The following FHIT variants were observed in gnomAD, a reference collection of about 807,000 sequenced individuals.
The protein encoded by FHIT is fragile histidine triad diadenosine triphosphatase.
In FHIT, 19 loss-of-function variants were observed where a neutral mutation model predicts 17.9. The ratio of observed to expected loss-of-function variants is 1.06; its 90% CI spans 0.74 to 1.56. FHIT has a LOEUF of 1.56. FHIT is among the 40% of genes most tolerant of loss of function. The pLI is 0.00. For synonymous variants in FHIT, 81 were observed against 69.7 expected, an observed-to-expected ratio of 1.16 and a Z score of -0.81; for missense variants, 248 against 189.2, an observed-to-expected ratio of 1.31 and a Z score of -1.82.
At chr3:59,997,010 C>G (rs897872606) in intron 7 of FHIT, among the ~76,000 whole-genome samples, 7 of 152,162 alleles carry the variant, frequency 4.6e-5, no homozygotes, top group Non-Finnish European at 4.4e-5. Flanking sequence ...AATGTCCAGA[C>G]CTGAGGCTCT....
chr3:61,194,050 G>C (rs561891249), intron 2 of FHIT, among the ~76,000 whole-genome samples: 100 of 151,972 alleles, frequency 6.6e-4, no homozygotes, highest in Non-Finnish European at 1.2e-3. Context: ...TGGCGGTGGT[G>C]GGGGTGGTGG....
chr3:59,817,298 G>C (rs1476888388), intron 8 of FHIT, among the ~76,000 whole-genome samples: 1 of 151,972 alleles, frequency 6.6e-6, no homozygotes, highest in Non-Finnish European at 1.5e-5. Flanking sequence ...AAATCAATTG[G>C]CAAAAGAACA....
At position 59,883,835 on chromosome 3, in the gene FHIT, A is replaced by G. The variant is rs534218272; in HGVS notation, c.348+38511T>C. Among the ~76,000 whole-genome samples the G allele has an allele frequency of 3.4e-3, 517 of 152,352 alleles. 2 individuals are homozygous for G. The highest frequency in any genetic ancestry group is 0.012 in the African/African-American group (492 of 41,584). On this transcript the variant is annotated intron_variant, in intron 8 of 9. Transcript: ENST00000492590. ...TGATGGGGGAAAATAATGATTATGGAGACAAAGCTTAAAAGCATATTGTGT... is the reference window on the plus strand; with the variant it reads ...TGATGGGGGAAAATAATGATTATGGGGACAAAGCTTAAAAGCATATTGTGT...
Position 60,551,629 on chromosome 3 carries a change from A to T in FHIT, c.-17-14650T>A, listed in dbSNP as rs188436024. ...GAAGAAATTAGCTGGGTGTGGTGGC[A>T]TGCACCTATAGTCCCAGCTACTCCA... On this transcript the variant is annotated intron_variant, in intron 4 of 9. Coordinates refer to ENST00000492590, the MANE Select transcript of FHIT (RefSeq NM_002012.4). Among the ~76,000 whole-genome samples, 390 of 133,300 alleles carry T rather than the reference A, an allele frequency of 2.9e-3. 5 individuals are homozygous for T. Among genetic ancestry groups the T allele is most frequent in the African/African-American group, 9.9e-3 (340 of 34,402 alleles). 87.4% of individuals were successfully genotyped at this position (133,300 alleles called of 152,430 possible). A position where few individuals can be genotyped will look rare whatever the true frequency, so the allele number is the denominator to read the frequency against.
intron 4 of FHIT, among the ~76,000 whole-genome samples, chr3:60,703,867 T>C (rs1293509269): frequency 1.3e-5 from 2 of 152,196 alleles, no homozygotes; most frequent in Non-Finnish European, 2.9e-5. Flanking sequence ...TCCACTTTCT[T>C]CTATGATTAT....
chr3:60,889,046 C>T (rs1705368150), intron 3 of FHIT, among the ~76,000 whole-genome samples: 1 of 152,148 alleles, frequency 6.6e-6, no homozygotes, highest in Admixed American at 6.5e-5. Flanking sequence ...CTACTCCACC[C>T]CGACTCATTC....
intron 3 of FHIT, among the ~76,000 whole-genome samples, chr3:60,992,123 A>G (rs1442437196): frequency 1.3e-5 from 2 of 152,218 alleles, no homozygotes; most frequent in Non-Finnish European, 2.9e-5. Flanking sequence ...TAGACAGGAG[A>G]GACTACATGC....
intron 8 of FHIT, among the ~76,000 whole-genome samples, chr3:59,755,519 G>C (rs1443531983): frequency 6.6e-6 from 1 of 152,218 alleles, no homozygotes; most frequent in African/African-American, 2.4e-5. Context: ...TTTGCCGTGG[G>C]TGAACTTTAA....
chr3:59,774,839 C>G (rs1295939987), intron 8 of FHIT, among the ~76,000 whole-genome samples: 1 of 152,132 alleles, frequency 6.6e-6, no homozygotes, highest in Non-Finnish European at 1.5e-5. Context: ...CAGAAAGTGG[C>G]CAGGACTTGA....
chr3:60,498,483 A>T (rs757991088), intron 5 of FHIT, among the ~76,000 whole-genome samples: 32 of 152,220 alleles, frequency 2.1e-4, no homozygotes, highest in Non-Finnish European at 3.7e-4. Context: ...AAGGGTTGGG[A>T]ACGACAAGGA....
At chr3:60,777,227 C>A (rs1172191462) in intron 4 of FHIT, among the ~76,000 whole-genome samples, 1 of 152,156 alleles carries the variant, frequency 6.6e-6, no homozygotes, top group Non-Finnish European at 1.5e-5. Flanking sequence ...TCAGAAGGTC[C>A]TGAGAACATG....
chr3:60,244,224 A>G (rs1240945820), intron 5 of FHIT, among the ~76,000 whole-genome samples: 1 of 152,056 alleles, frequency 6.6e-6, no homozygotes, highest in African/African-American at 2.4e-5. Context: ...ATTATACTTC[A>G]TATTTTCCCT....
At chr3:61,151,257 G>A (rs1267928499) in intron 2 of FHIT, among the ~76,000 whole-genome samples, 1 of 152,140 alleles carries the variant, frequency 6.6e-6, no homozygotes, top group Non-Finnish European at 1.5e-5. Context: ...AAGATGAGAG[G>A]TATTCTTCCT....
At chr3:60,389,726 A>G (rs1403815234) in intron 5 of FHIT, among the ~76,000 whole-genome samples, 1 of 152,216 alleles carries the variant, frequency 6.6e-6, no homozygotes, top group Admixed American at 6.5e-5. Context: ...ATTTCAAGCC[A>G]TTGTTCACTT....
chr3:60,732,422 G>A (rs2042048929), intron 4 of FHIT: 13 of 747,246 alleles, frequency 1.7e-5, no homozygotes, highest in South Asian at 1.3e-5. Context: ...TGCCACCAGT[G>A]CCATATGGCA....
chr3:61,242,740 C>A (rs772278937), intron 1 of FHIT, among the ~76,000 whole-genome samples: 2 of 152,082 alleles, frequency 1.3e-5, no homozygotes, highest in Non-Finnish European at 2.9e-5. Flanking sequence ...GAGTGCTGAT[C>A]GGTCGAATTG....
In FHIT at chr3:60,670,511, C is replaced by T. The variant is rs531426818; in HGVS notation, c.-17-133532G>A. Among the ~76,000 whole-genome samples the T allele has an allele frequency of 2.0e-4, 30 of 152,266 alleles. No individual in the cohort carries two copies. In the South Asian group the frequency reaches 4.8e-3, roughly 24 times the overall value. On this transcript the variant is annotated intron_variant, in intron 4 of 9. Coordinates refer to ENST00000492590, the MANE Select transcript of FHIT (RefSeq NM_002012.4). Reference sequence around the variant, plus strand: ...TTAAGCTCCTCAAATTTTCTGAGTACATTCTATGTAGAGGATTTTCCATTA... The same window carrying T: ...TTAAGCTCCTCAAATTTTCTGAGTATATTCTATGTAGAGGATTTTCCATTA...
intron 5 of FHIT, among the ~76,000 whole-genome samples, chr3:60,530,400 T>C (rs1014595): frequency 0.31 from 46,581 of 152,058 alleles, 7,413 homozygotes; most frequent in Admixed American, 0.35. Context: ...ACATTTTTCT[T>C]CATCCAATTT....
intron 3 of FHIT, among the ~76,000 whole-genome samples, chr3:60,872,060 A>T (rs541603448): frequency 1.5e-3 from 224 of 152,260 alleles, no homozygotes; most frequent in African/African-American, 5.1e-3. Context: ...AATACAATTT[A>T]CAAGATCATA....
Sources: allele counts gnomAD v4.1 joint callset (sites outside exome capture counted in the v4.1 genomes callset), GRCh38; gene constraint gnomAD v4.1.1; transcripts MANE v1.5; gene names NCBI Gene and HGNC (gene_info 2026-07-23, HGNC 2026-07-21).